The following DIS3L2 variants were observed in gnomAD, a reference collection of about 807,000 sequenced individuals.
The protein encoded by DIS3L2 is DIS3-like exonuclease 2.
A neutral mutation model predicts 97.5 loss-of-function variants in DIS3L2; 34 were observed. The ratio of observed to expected loss-of-function variants is 0.35; its 90% CI spans 0.27 to 0.46. The LOEUF is 0.46. DIS3L2 is among the 20% of genes least tolerant of loss of function. The pLI is 1.00. For synonymous variants in DIS3L2, 435 were observed against 445.2 expected (o/e 0.98, Z 0.29); for missense variants, 1,038 against 1,146.0 (o/e 0.91, Z 1.36).
Position 232,276,328 on chromosome 2 carries a change from T to G in DIS3L2, c.1659+12888T>G, listed in dbSNP as rs1258152337. On this transcript the variant is annotated intron_variant, in intron 13 of 20. Transcript: ENST00000325385. The surrounding 1 kb of genome is among the most constrained non-coding windows in gnomAD (Gnocchi z 4.4). ...GTAAATAACAGGGCGCTCTCCCCTT[T>G]CATTCTCCTGCCTGCCACCTGCCAG... 1.3e-5 allele frequency among the ~76,000 whole-genome samples: 2 copies of G among 152,232 alleles called. No homozygotes were observed. Among genetic ancestry groups the G allele is most frequent in the Non-Finnish European group, 2.9e-5 (2 of 68,036 alleles).
Position 232,337,022 on chromosome 2 carries a change from C to A in DIS3L2, c.*392C>A. 9.3e-7 allele frequency: 1 copy of A among 1,075,054 alleles called. No individual in the cohort carries two copies. 66.6% of individuals were successfully genotyped at this position (1,075,054 alleles called of 1,614,324 possible). A position where few individuals can be genotyped will look rare whatever the true frequency, so the allele number is the denominator to read the frequency against. On this transcript the variant is annotated 3_prime_UTR_variant, in exon 21 of 21. Transcript: ENST00000325385. ...CTGGGAAGCCTGGGCAGCAGAATGC[C>A]CCTTGCACCCAGGGCAAGGGACCCA...
intron 14 of DIS3L2, among the ~76,000 whole-genome samples, chr2:232,326,879 A>T (rs116425402): frequency 0.022 from 3,401 of 151,468 alleles, 56 homozygotes; most frequent in Admixed American, 0.056. Flanking sequence ...GCACTTGTTC[A>T]CTGTCGAGGG....
chr2:232,014,046 A>G (rs1694284309), intron 1 of DIS3L2, among the ~76,000 whole-genome samples: 1 of 152,232 alleles, frequency 6.6e-6, no homozygotes, highest in Non-Finnish European at 1.5e-5. Context: ...TTTCAAATAT[A>G]GACTTGACTC....
intron 9 of DIS3L2, among the ~76,000 whole-genome samples, chr2:232,173,960 G>C (rs559527973): frequency 6.6e-6 from 1 of 152,146 alleles, no homozygotes; most frequent in East Asian, 1.9e-4. Context: ...GGATCAGCTT[G>C]TCAATTTCAG....
At chr2:232,341,044 C>CCCTTGGAGGCACAATGATTGCCA (rs1696091884), downstream of DIS3L2, 1 of 411,864 alleles carries the variant, frequency 2.4e-6, no homozygotes, top group Non-Finnish European at 4.8e-6. Flanking sequence ...AAAACAAGGG[C>CCCTTGGAGGCACAATGATTGCCA]CCTTGGAGGC....
At chr2:232,331,177 G>A (rs1413201151) in intron 16 of DIS3L2, among the ~76,000 whole-genome samples, 5 of 152,262 alleles carry the variant, frequency 3.3e-5, no homozygotes, top group Admixed American at 2.0e-4. Flanking sequence ...CCTCTGGCCA[G>A]TGTGGGAAAG....
chr2:232,099,628 T>G (rs906078268), intron 6 of DIS3L2, among the ~76,000 whole-genome samples: 3 of 152,192 alleles, frequency 2.0e-5, no homozygotes, highest in African/African-American at 7.2e-5. Context: ...TTTCTGAGAG[T>G]TTACTGTTTT....
chr2:232,316,496 C>G (rs1288859542), intron 14 of DIS3L2, among the ~76,000 whole-genome samples: 1 of 152,126 alleles, frequency 6.6e-6, no homozygotes, highest in Non-Finnish European at 1.5e-5. Flanking sequence ...AGCACCCTCT[C>G]CAGCCACTCC....
intron 11 of DIS3L2, among the ~76,000 whole-genome samples, chr2:232,245,161 C>T (rs1490696445): frequency 6.6e-6 from 1 of 152,168 alleles, no homozygotes; most frequent in African/African-American, 2.4e-5. Flanking sequence ...CAGGAGTTTC[C>T]CAGCTCCTGG....
At chr2:232,094,575 A>C (rs972180224) in intron 6 of DIS3L2, among the ~76,000 whole-genome samples, 3 of 151,940 alleles carry the variant, frequency 2.0e-5, no homozygotes, top group Non-Finnish European at 4.4e-5. Flanking sequence ...AAAATTAGCC[A>C]GTCATGGTGG....
chr2:232,257,002 C>T (rs1693584210), intron 12 of DIS3L2, among the ~76,000 whole-genome samples: 1 of 152,112 alleles, frequency 6.6e-6, no homozygotes, highest in African/African-American at 2.4e-5. Flanking sequence ...CCTGTAGTCC[C>T]AGCTACTTGG....
intron 13 of DIS3L2, among the ~76,000 whole-genome samples, chr2:232,279,147 G>T (rs1694218876): frequency 6.6e-6 from 1 of 152,208 alleles, no homozygotes; most frequent in South Asian, 2.1e-4. Context: ...ATATTGGTCA[G>T]TCTGGTCTCA....
intron 13 of DIS3L2, among the ~76,000 whole-genome samples, chr2:232,289,217 T>C (rs1041732908): frequency 6.6e-6 from 1 of 152,148 alleles, no homozygotes; most frequent in Non-Finnish European, 1.5e-5. Context: ...GTTTGCATTT[T>C]GGGCAAATGA....
intron 11 of DIS3L2, among the ~76,000 whole-genome samples, chr2:232,245,593 G>T (rs1372297785): frequency 6.6e-6 from 1 of 152,128 alleles, no homozygotes; most frequent in African/African-American, 2.4e-5. Context: ...TGAGAATTTC[G>T]TCTGAATTCT....
At chr2:232,246,446 G>A (rs549430277) in intron 11 of DIS3L2, among the ~76,000 whole-genome samples, 1 of 152,234 alleles carries the variant, frequency 6.6e-6, no homozygotes, top group Non-Finnish European at 1.5e-5. Context: ...AGAGGGCCAG[G>A]GCACAAAGCT....
chr2:232,175,468 T>C (rs1168099576), intron 9 of DIS3L2, among the ~76,000 whole-genome samples: 1 of 152,192 alleles, frequency 6.6e-6, no homozygotes, highest in Non-Finnish European at 1.5e-5. Flanking sequence ...CAGTCTTTAG[T>C]TTTCTTGTGA....
chr2:232,275,428 C>T (rs1489417077), intron 13 of DIS3L2, among the ~76,000 whole-genome samples: 2 of 152,186 alleles, frequency 1.3e-5, no homozygotes, highest in Non-Finnish European at 1.5e-5. Flanking sequence ...CAGAGCTGTT[C>T]ACAGTGATCT....
intron 5 of DIS3L2, among the ~76,000 whole-genome samples, chr2:232,056,695 A>T (rs1266337521): frequency 6.6e-6 from 1 of 152,262 alleles, no homozygotes; most frequent in East Asian, 1.9e-4. Flanking sequence ...TTTATCAGTT[A>T]TCAGGGAAAC....
chr2:231,991,366 G>A (rs1239099773), intron 1 of DIS3L2, among the ~76,000 whole-genome samples: 1 of 152,106 alleles, frequency 6.6e-6, no homozygotes, highest in African/African-American at 2.4e-5. Flanking sequence ...TTGAACTCCT[G>A]GACTCAAATG....
Sources: allele counts gnomAD v4.1 joint callset (sites outside exome capture counted in the v4.1 genomes callset), GRCh38; gene constraint gnomAD v4.1.1; non-coding constraint Gnocchi (gnomAD v3.1); transcripts MANE v1.5; gene names NCBI Gene and HGNC (gene_info 2026-07-23, HGNC 2026-07-21).